Variants in GNB1 observed in about 807,000 individuals in gnomAD.
The protein encoded by GNB1 is G protein subunit beta 1, also known as guanine nucleotide-binding protein G(I)/G(S)/G(T) subunit beta-1.
In GNB1, 2 loss-of-function variants were observed where a neutral mutation model predicts 42.9. The ratio of observed to expected loss-of-function variants is 0.05; its 90% CI spans 0.02 to 0.15. The LOEUF (loss-of-function observed/expected upper bound fraction) is 0.15, where lower values mean the gene tolerates loss of function less well. GNB1 is among the 10% of genes least tolerant of loss of function. The probability of loss-of-function intolerance (pLI) is 1.00; values close to 1 mark genes in which losing one functional copy is unlikely to be tolerated. For missense variants in GNB1, 193 were observed against 462.2 expected (o/e 0.42, Z 5.34); for synonymous variants, 183 against 174.7 (o/e 1.05, Z -0.38).
intron 1 of GNB1, among the ~76,000 whole-genome samples, chr1:1,842,099 G>A (rs905406121): frequency 7.3e-5 from 11 of 151,672 alleles, no homozygotes; most frequent in Non-Finnish European, 1.0e-4. Flanking sequence ...CCTGAGGTCA[G>A]GAGTTCAAGA....
intron 1 of GNB1, among the ~76,000 whole-genome samples, chr1:1,863,070 T>C (rs1648721273): frequency 6.6e-6 from 1 of 152,038 alleles, no homozygotes; most frequent in Non-Finnish European, 1.5e-5. Context: ...GACACTGGGG[T>C]CATCCCGGGT....
At chr1:1,832,271 C>T (rs552918018) in intron 2 of GNB1, 1 of 152,180 alleles carries the variant, frequency 6.6e-6, no homozygotes, top group East Asian at 1.9e-4. Flanking sequence ...TCCCTCAGTC[C>T]CCCAGACCTT....
intron 1 of GNB1, among the ~76,000 whole-genome samples, chr1:1,862,064 C>T (rs1273301974): frequency 2.6e-5 from 4 of 151,580 alleles, no homozygotes; most frequent in African/African-American, 7.3e-5. Flanking sequence ...GAGACTCCAT[C>T]TCAAAAAAAA....
chr1:1,809,450 C>T (rs1646746391), intron 5 of GNB1, among the ~76,000 whole-genome samples: 1 of 152,182 alleles, frequency 6.6e-6, no homozygotes, highest in Admixed American at 6.5e-5. Context: ...CGCACCCAGC[C>T]TTCAGTTGCA....
intron 6 of GNB1, among the ~76,000 whole-genome samples, chr1:1,805,689 T>C (rs930053324): frequency 1.3e-5 from 2 of 151,876 alleles, no homozygotes; most frequent in African/African-American, 4.8e-5. Flanking sequence ...TACAGGCGCC[T>C]GCCACCACTC....
At chr1:1,801,076 C>T (rs1188694290) in intron 7 of GNB1, among the ~76,000 whole-genome samples, 1 of 152,252 alleles carries the variant, frequency 6.6e-6, no homozygotes, top group Admixed American at 6.5e-5. Flanking sequence ...GTTACCCAGG[C>T]TGGAGGTGCA....
At chr1:1,867,103 T>C (rs1433814177) in intron 1 of GNB1, among the ~76,000 whole-genome samples, 1 of 151,828 alleles carries the variant, frequency 6.6e-6, no homozygotes, top group East Asian at 1.9e-4. Context: ...CCCATCTCTA[T>C]TAAAAATACA....
intron 1 of GNB1, among the ~76,000 whole-genome samples, chr1:1,887,852 T>C (rs901835873): frequency 2.6e-5 from 4 of 152,302 alleles, no homozygotes; most frequent in Middle Eastern, 6.8e-3. Context: ...CAGCCTCATG[T>C]GATCCGCCCG....
At chr1:1,867,696 T>C (rs1368024142) in intron 1 of GNB1, among the ~76,000 whole-genome samples, 5 of 152,238 alleles carry the variant, frequency 3.3e-5, no homozygotes, top group Non-Finnish European at 5.9e-5. Context: ...TTTTCCTGCC[T>C]TTGAACTATA....
intron 1 of GNB1, among the ~76,000 whole-genome samples, chr1:1,877,322 T>C (rs1298714333): frequency 2.7e-5 from 4 of 145,600 alleles, no homozygotes; most frequent in Admixed American, 1.4e-4. Context: ...AAAAAATATA[T>C]ATATATATAC....
intron 1 of GNB1, among the ~76,000 whole-genome samples, chr1:1,890,119 C>A (rs1650396919): frequency 6.6e-6 from 1 of 152,152 alleles, no homozygotes; most frequent in Non-Finnish European, 1.5e-5. Flanking sequence ...CGAGTCGACA[C>A]GCGCGGGGCG....
At chr1:1,819,368 G>A (rs769554025) in intron 3 of GNB1, among the ~76,000 whole-genome samples, 15 of 152,026 alleles carry the variant, frequency 9.9e-5, no homozygotes, top group South Asian at 4.1e-4. Flanking sequence ...GACCACAGGC[G>A]TGTGCCACCA....
intron 7 of GNB1, among the ~76,000 whole-genome samples, chr1:1,797,836 C>T (rs1321807920): frequency 6.6e-6 from 1 of 152,190 alleles, no homozygotes; most frequent in South Asian, 2.1e-4. Context: ...CAAGGAGACC[C>T]CACCCAAGGG....
At chr1:1,864,740 T>G (rs1268972790) in intron 1 of GNB1, among the ~76,000 whole-genome samples, 1 of 152,226 alleles carries the variant, frequency 6.6e-6, no homozygotes, top group Non-Finnish European at 1.5e-5. Flanking sequence ...GTTCTGCAAT[T>G]TATAACTAAG....
At chr1:1,872,808 G>A (rs1557945180) in intron 1 of GNB1, among the ~76,000 whole-genome samples, 1 of 152,090 alleles carries the variant, frequency 6.6e-6, no homozygotes, top group Non-Finnish European at 1.5e-5. Context: ...ACCACCAGTT[G>A]CAACTTCTCG....
intron 2 of GNB1, among the ~76,000 whole-genome samples, chr1:1,826,618 C>A (rs1034517867): frequency 1.3e-5 from 2 of 152,054 alleles, no homozygotes; most frequent in Non-Finnish European, 1.5e-5. Context: ...GTGTGTCCAG[C>A]AGTTTTTTGG....
intron 2 of GNB1, among the ~76,000 whole-genome samples, chr1:1,835,382 C>T (rs1647131856): frequency 6.6e-6 from 1 of 152,184 alleles, no homozygotes; most frequent in South Asian, 2.1e-4. Context: ...GTAATAGTCC[C>T]CACAGCTCAT....
At chr1:1,848,924 T>C (rs1647831141) in intron 1 of GNB1, among the ~76,000 whole-genome samples, 1 of 152,254 alleles carries the variant, frequency 6.6e-6, no homozygotes, top group African/African-American at 2.4e-5. Flanking sequence ...CAAAAACTAT[T>C]GGATGTTCCG....
chr1:1,855,440 G>A (rs370635682), intron 1 of GNB1, among the ~76,000 whole-genome samples: 2 of 151,918 alleles, frequency 1.3e-5, no homozygotes, highest in Admixed American at 6.6e-5. Context: ...GGTGGCTCAC[G>A]CCTGTAATCC....
Sources: gnomAD v4.1 joint callset for allele counts (sites outside exome capture counted in the v4.1 genomes callset) on GRCh38, gnomAD v4.1.1 for gene constraint, MANE v1.5 for transcripts, NCBI Gene and HGNC (gene_info 2026-07-23, HGNC 2026-07-21) for gene names.